Variants in APLF observed in about 807,000 individuals in gnomAD.
APLF encodes the protein aprataxin and PNKP like factor, also known as aprataxin and PNK-like factor.
In APLF, 61 loss-of-function variants were observed where a neutral mutation model predicts 55.6. The observed-to-expected ratio is 1.10, with a 90% CI of 0.89 to 1.36. The LOEUF (loss-of-function observed/expected upper bound fraction) is 1.36, where lower values mean the gene tolerates loss of function less well. Among genes scored for constraint, APLF ranks in the 40% most tolerant of loss-of-function variants. The probability of loss-of-function intolerance (pLI) is 0.00; values close to 1 mark genes in which losing one functional copy is unlikely to be tolerated. For missense variants in APLF, 611 were observed against 602.5 expected, an observed-to-expected ratio of 1.01 and a Z score of -0.15; for synonymous variants, 207 against 214.8, an observed-to-expected ratio of 0.96 and a Z score of 0.32.
chr2:68,518,423 A>G (rs1669727509), intron 5 of APLF, among the ~76,000 whole-genome samples: 1 of 112,484 alleles, frequency 8.9e-6, no homozygotes, highest in African/African-American at 3.7e-5. Context: ...ATTATATAAT[A>G]ATTTATTATA....
At chr2:68,575,070 T>C (rs1444317954) in intron 9 of APLF, among the ~76,000 whole-genome samples, 1 of 152,150 alleles carries the variant, frequency 6.6e-6, no homozygotes, top group Admixed American at 6.5e-5. Context: ...TTATTTGTTG[T>C]CATGTGTTGA....
Position 68,539,552 on chromosome 2 carries a change from C to A in APLF, c.1160+1325C>A, listed in dbSNP as rs111312117. 3.0e-3 allele frequency among the ~76,000 whole-genome samples: 457 copies of A among 152,252 alleles called. 1 individual carries two copies. Among genetic ancestry groups the A allele is most frequent in the African/African-American group, 0.011 (441 of 41,544 alleles). On this transcript the variant is annotated intron_variant, in intron 7 of 9. Transcript: ENST00000303795. ...AACCTTAATCATCTTTTTAAAGCCC[C>A]TATCTCCAAATTAGTCACACTGGAA... is the stretch of plus-strand genomic sequence containing the variant.
chr2:68,482,598 G>A (rs1486859973), intron 1 of APLF, among the ~76,000 whole-genome samples: 2 of 152,180 alleles, frequency 1.3e-5, no homozygotes, highest in Admixed American at 6.5e-5. Flanking sequence ...TCTCTGGGCT[G>A]TTTATCAGAC....
intron 1 of APLF, among the ~76,000 whole-genome samples, chr2:68,473,336 A>C (rs941006379): frequency 6.6e-6 from 1 of 152,136 alleles, no homozygotes. Flanking sequence ...AAGTCTTTTC[A>C]TGGCTTGATA....
At chr2:68,484,353 A>G (rs927770489) in intron 1 of APLF, among the ~76,000 whole-genome samples, 11 of 152,250 alleles carry the variant, frequency 7.2e-5, no homozygotes, top group Middle Eastern at 3.4e-3. Flanking sequence ...AAAGTGGTAT[A>G]AGAATAGAGA....
Position 68,476,567 on chromosome 2 carries a change from A to G in APLF, c.96+8740A>G, listed in dbSNP as rs146532601. Among the ~76,000 whole-genome samples, 472 of 152,066 alleles carry G rather than the reference A, an allele frequency of 3.1e-3. 10 individuals carry two copies. Among genetic ancestry groups the G allele is most frequent in the Non-Finnish European group, 8.4e-4 (57 of 68,002 alleles). ...ACTTCGAAGTCAATTACCAAGAGAT[A>G]AGCACTGTAAACATTCAATGTAGTT... On this transcript the variant is annotated intron_variant, in intron 1 of 9. Coordinates refer to ENST00000303795, the MANE Select transcript of APLF (RefSeq NM_173545.3).
intron 2 of APLF, among the ~76,000 whole-genome samples, chr2:68,494,886 C>A (rs1314344910): frequency 6.6e-6 from 1 of 152,012 alleles, no homozygotes; most frequent in African/African-American, 2.4e-5. Context: ...ACCCCATTTT[C>A]TTTTTCCAGT....
At chr2:68,528,165 A>T (rs1254127883) in intron 6 of APLF, 1 of 658,976 alleles carries the variant, frequency 1.5e-6, no homozygotes, top group Non-Finnish European at 2.6e-6. Context: ...CTCAGGTCTC[A>T]ATCTCTTGAC....
At chr2:68,522,548 G>A (rs1052874474) in intron 5 of APLF, among the ~76,000 whole-genome samples, 4 of 151,566 alleles carry the variant, frequency 2.6e-5, no homozygotes, top group African/African-American at 7.3e-5. Flanking sequence ...TTCCATATAC[G>A]GTCAGGCACA....
rs1671689445 is a variant in APLF, at chr2:68,578,759, C to T, written c.*737C>T. On this transcript the variant is annotated 3_prime_UTR_variant, in exon 10 of 10. Transcript: ENST00000303795. ...GCTGATTATTTTAACTCTCAGTGTGCTGTCTTTATATTAAGAATAGAGAAA... is the reference window on the plus strand; with the variant it reads ...GCTGATTATTTTAACTCTCAGTGTGTTGTCTTTATATTAAGAATAGAGAAA... 1 of 985,020 alleles carries T rather than the reference C, an allele frequency of 1.0e-6. No individual in the cohort carries two copies. Among genetic ancestry groups the T allele is most frequent in the Non-Finnish European group, 1.2e-6 (1 of 829,796 alleles). 61.0% of individuals were successfully genotyped at this position (985,020 alleles called of 1,614,324 possible). A position where few individuals can be genotyped will look rare whatever the true frequency, so the allele number is the denominator to read the frequency against.
intron 8 of APLF, among the ~76,000 whole-genome samples, chr2:68,550,281 G>T (rs2104026975): frequency 6.6e-6 from 1 of 152,120 alleles, no homozygotes; most frequent in African/African-American, 2.4e-5. Context: ...GTCTAGGCTG[G>T]GGTGCAGTGG....
intron 1 of APLF, among the ~76,000 whole-genome samples, chr2:68,489,266 T>C (rs184134896): frequency 6.6e-6 from 1 of 152,352 alleles, no homozygotes; most frequent in East Asian, 1.9e-4. Context: ...TATGTGTTGG[T>C]ATGGTCTATT....
intron 5 of APLF, among the ~76,000 whole-genome samples, chr2:68,525,752 T>C (rs936018349): frequency 5.1e-4 from 71 of 138,034 alleles, no homozygotes; most frequent in Admixed American, 1.3e-3. Context: ...CTTTTTTTTT[T>C]TTTTTTTTTT....
chr2:68,529,753 C>T lies in APLF; in HGVS notation c.804+3511C>T, dbSNP rs13391923. ...GGTGTGTGGCCCTGGATGGGCCCCCCGTGGGGCTGTTGGGGGTGTGGGGCT... is the reference window on the plus strand; with the variant it reads ...GGTGTGTGGCCCTGGATGGGCCCCCTGTGGGGCTGTTGGGGGTGTGGGGCT... On this transcript the variant is annotated intron_variant, in intron 6 of 9. Transcript: ENST00000303795. This position sits in a 1 kb window ranked among gnomAD's most constrained non-coding sequence, Gnocchi z 4.4. The T allele has an allele frequency of 0.084, 12,858 of 153,366 alleles. 607 individuals carry two copies. Among genetic ancestry groups the T allele is most frequent in the Middle Eastern group, 0.11 (34 of 300 alleles). The allele number at this position is 153,366 out of a possible 1,614,324, so 9.5% of individuals were successfully genotyped here.
At chr2:68,496,621 G>T (rs1338805341) in intron 2 of APLF, among the ~76,000 whole-genome samples, 1 of 152,164 alleles carries the variant, frequency 6.6e-6, no homozygotes, top group Non-Finnish European at 1.5e-5. Flanking sequence ...GAAGCAGCCA[G>T]GCCACTTCTT....
Position 68,476,832 on chromosome 2 carries a change from T to C in APLF, c.96+9005T>C, listed in dbSNP as rs373716848. Among the ~76,000 whole-genome samples, 335 of 152,284 alleles carry C rather than the reference T, an allele frequency of 2.2e-3. 2 individuals are homozygous for C. The highest frequency in any genetic ancestry group is 7.7e-3 in the African/African-American group (319 of 41,552). ...ACATCCTGGAAATAGAAGTGATGGTTGCACAATTTTGTGAATACAGTTAAC... is the reference window on the plus strand; with the variant it reads ...ACATCCTGGAAATAGAAGTGATGGTCGCACAATTTTGTGAATACAGTTAAC... On this transcript the variant is annotated intron_variant, in intron 1 of 9. Coordinates refer to ENST00000303795, the MANE Select transcript of APLF (RefSeq NM_173545.3).
chr2:68,501,816 A>T (rs1038759786), intron 2 of APLF, among the ~76,000 whole-genome samples: 1 of 152,124 alleles, frequency 6.6e-6, no homozygotes, highest in African/African-American at 2.4e-5. Flanking sequence ...TGCTTGAGAG[A>T]TTTGATTAGA....
intron 8 of APLF, among the ~76,000 whole-genome samples, chr2:68,548,208 A>G (rs1056209865): frequency 3.3e-5 from 5 of 151,992 alleles, no homozygotes; most frequent in Middle Eastern, 6.8e-3. Context: ...TTCTAAAACA[A>G]GAAACAAAAA....
At chr2:68,517,708 A>G (rs944526339) in intron 5 of APLF, among the ~76,000 whole-genome samples, 2 of 145,458 alleles carry the variant, frequency 1.4e-5, no homozygotes, top group African/African-American at 4.9e-5. Context: ...ACAATAATAT[A>G]TCACTAATAT....
Sources: allele counts gnomAD v4.1 joint callset (sites outside exome capture counted in the v4.1 genomes callset), GRCh38; gene constraint gnomAD v4.1.1; non-coding constraint Gnocchi (gnomAD v3.1); transcripts MANE v1.5; gene names NCBI Gene and HGNC (gene_info 2026-07-23, HGNC 2026-07-21).